KCNQ1OT1: variants seen among roughly 807,000 people sequenced by gnomAD.
KCNQ1OT1 encodes the protein KCNQ1 opposite strand/antisense transcript 1, also known as KCNQ1 antisense RNA 2 (non-protein coding).
chr11:2,679,254 T>C lies in KCNQ1OT1; in HGVS notation n.20741A>G, dbSNP rs756624095. The C allele has an allele frequency of 1.5e-5, 6 of 398,654 alleles. No homozygotes were observed. Among genetic ancestry groups the C allele is most frequent in the Non-Finnish European group, 2.7e-5 (6 of 226,094 alleles). The allele number at this position is 398,654 out of a possible 1,614,324, so 24.7% of individuals were successfully genotyped here. A position where few individuals can be genotyped will look rare whatever the true frequency, so the allele number is the denominator to read the frequency against. On this transcript the variant is annotated non_coding_transcript_exon_variant, in exon 1 of 1. Transcript: ENST00000597346. The surrounding 1 kb of genome is among the most constrained non-coding windows in gnomAD (Gnocchi z 4.8). ...GGACTACAGCTGCCTGTCCCACCCT[T>C]GGCTGTGCTCTCCTTTACTAATCCA...
chr11:2,652,127 G>A lies in KCNQ1OT1; in HGVS notation n.47868C>T, dbSNP rs1849766657. 7.5e-6 allele frequency: 3 copies of A among 398,732 alleles called. No individual in the cohort carries two copies. In the East Asian group the frequency reaches 1.1e-4, roughly 14 times the overall value. The allele number at this position is 398,732 out of a possible 1,614,324, so 24.7% of individuals were successfully genotyped here. A position where few individuals can be genotyped will look rare whatever the true frequency, so the allele number is the denominator to read the frequency against. On this transcript the variant is annotated non_coding_transcript_exon_variant, in exon 1 of 1. Coordinates refer to ENST00000597346, the Ensembl canonical transcript of KCNQ1OT1. The surrounding 1 kb of genome is among the most constrained non-coding windows in gnomAD (Gnocchi z 5.9). Reference sequence around the variant, plus strand: ...GCCTGGCTGGGAGGTGGCCTGGGAAGGGACCTGTGTTTCTCAAGCCCGCGC... The same window carrying A: ...GCCTGGCTGGGAGGTGGCCTGGGAAAGGACCTGTGTTTCTCAAGCCCGCGC...
exon 1 of KCNQ1OT1, chr11:2,630,353 A>T (rs1453844606): frequency 5.0e-6 from 2 of 398,166 alleles, no homozygotes; most frequent in African/African-American, 2.1e-5. Flanking sequence ...GTCATAAAAA[A>T]ATATCAGCCA....
rs1218137686 is a variant in KCNQ1OT1, at chr11:2,642,352, AT to A, written n.57642del. 12 of 397,880 alleles carry A rather than the reference AT, an allele frequency of 3.0e-5. No homozygotes were observed. In the Admixed American group the frequency reaches 4.8e-4, roughly 16 times the overall value. The allele number at this position is 397,880 out of a possible 1,614,324, so 24.6% of individuals were successfully genotyped here. A position where few individuals can be genotyped will look rare whatever the true frequency, so the allele number is the denominator to read the frequency against. ...CCTCTTTGGTTAAACTCATTCCTAG[AT>A]TTTTTGTAGTGGTTGTAAAAGATAA... On this transcript the variant is annotated non_coding_transcript_exon_variant, in exon 1 of 1. Transcript: ENST00000597346. This position sits in a 1 kb window ranked among gnomAD's most constrained non-coding sequence, Gnocchi z 4.3.
chr11:2,640,931 T>C (rs1849566765), exon 1 of KCNQ1OT1: 1 of 399,178 alleles, frequency 2.5e-6, no homozygotes, highest in Non-Finnish European at 4.4e-6. Context: ...AAGATAATTA[T>C]CTTTCTGTGC....
In KCNQ1OT1 at chr11:2,671,305, T is replaced by C. The variant is rs958818519; in HGVS notation, n.28690A>G. On this transcript the variant is annotated non_coding_transcript_exon_variant, in exon 1 of 1. Transcript: ENST00000597346. This position sits in a 1 kb window ranked among gnomAD's most constrained non-coding sequence, Gnocchi z 4.7. ...TCTGATCTTCTCCATAAGTAATCTTTTCCCATGTGTGGCTGCAGCCTCAGA... is the reference window on the plus strand; with the variant it reads ...TCTGATCTTCTCCATAAGTAATCTTCTCCCATGTGTGGCTGCAGCCTCAGA... 7 of 398,486 alleles carry C rather than the reference T, an allele frequency of 1.8e-5. No homozygotes were observed. In the East Asian group the frequency reaches 2.5e-4, roughly 14 times the overall value. 24.7% of individuals were successfully genotyped at this position (398,486 alleles called of 1,614,324 possible). A position where few individuals can be genotyped will look rare whatever the true frequency, so the allele number is the denominator to read the frequency against.
Position 2,627,649 on chromosome 11 carries a change from A to C in KCNQ1OT1, n.72346T>G. 2.5e-6 allele frequency: 1 copy of C among 398,514 alleles called. No homozygotes were observed. 24.7% of individuals were successfully genotyped at this position (398,514 alleles called of 1,614,324 possible). Reference sequence around the variant, plus strand: ...ATGATTTCCTGCTTTTTAAAGGATGAATATTTCATTGTGTGTGTGTATATA... The same window carrying C: ...ATGATTTCCTGCTTTTTAAAGGATGCATATTTCATTGTGTGTGTGTATATA... On this transcript the variant is annotated non_coding_transcript_exon_variant, in exon 1 of 1. Transcript: ENST00000597346. The surrounding 1 kb of genome is among the most constrained non-coding windows in gnomAD (Gnocchi z 4.9).
Position 2,621,961 on chromosome 11 carries a change from G to T in KCNQ1OT1, n.78034C>A, listed in dbSNP as rs1849180716. On this transcript the variant is annotated non_coding_transcript_exon_variant, in exon 1 of 1. Transcript: ENST00000597346. The surrounding 1 kb of genome is among the most constrained non-coding windows in gnomAD (Gnocchi z 5.7). ...TCTAATTCCTTGAGGTACAATTTTG[G>T]GCTATTTGAAATATCTCTTCTTTTT... 2.5e-6 allele frequency: 1 copy of T among 397,770 alleles called. No individual in the cohort carries two copies. Among genetic ancestry groups the T allele is most frequent in the Non-Finnish European group, 4.4e-6 (1 of 225,838 alleles). 24.6% of individuals were successfully genotyped at this position (397,770 alleles called of 1,614,324 possible). A position where few individuals can be genotyped will look rare whatever the true frequency, so the allele number is the denominator to read the frequency against.
chr11:2,680,056 G>C (rs979849941), exon 1 of KCNQ1OT1: 7 of 395,334 alleles, frequency 1.8e-5, no homozygotes, highest in Non-Finnish European at 3.1e-5. Flanking sequence ...ACCATGACTG[G>C]CTAATTTTTT....
Position 2,627,564 on chromosome 11 carries a change from T to C in KCNQ1OT1, n.72431A>G, listed in dbSNP as rs983423139. ...GGATAGTGCAGTATTTGTCTTTCTGTGTCTGGCTATTTCACTTAGCATAAT... is the reference window on the plus strand; with the variant it reads ...GGATAGTGCAGTATTTGTCTTTCTGCGTCTGGCTATTTCACTTAGCATAAT... On this transcript the variant is annotated non_coding_transcript_exon_variant, in exon 1 of 1. Coordinates refer to ENST00000597346, the Ensembl canonical transcript of KCNQ1OT1. The surrounding 1 kb of genome is among the most constrained non-coding windows in gnomAD (Gnocchi z 4.9). 6 of 398,470 alleles carry C rather than the reference T, an allele frequency of 1.5e-5. No individual in the cohort carries two copies. The highest frequency in any genetic ancestry group is 4.4e-5 in the Admixed American group (1 of 22,714). The allele number at this position is 398,470 out of a possible 1,614,324, so 24.7% of individuals were successfully genotyped here.
Position 2,677,190 on chromosome 11 carries a change from G to C in KCNQ1OT1, n.22805C>G, listed in dbSNP as rs1850308676. On this transcript the variant is annotated non_coding_transcript_exon_variant, in exon 1 of 1. Transcript: ENST00000597346. The surrounding 1 kb of genome is among the most constrained non-coding windows in gnomAD (Gnocchi z 4.5). ...TCTTATCCCTACTTGTATCTCTGCT[G>C]ACTGACCTCTTTGGCTGTCTCTTGT... 2.5e-6 allele frequency: 1 copy of C among 398,540 alleles called. No homozygotes were observed. The highest frequency in any genetic ancestry group is 4.4e-6 in the Non-Finnish European group (1 of 226,064). The allele number at this position is 398,540 out of a possible 1,614,324, so 24.7% of individuals were successfully genotyped here.
Position 2,664,753 on chromosome 11 carries a change from G to C in KCNQ1OT1, n.35242C>G, listed in dbSNP as rs866873966. The C allele has an allele frequency of 1.5e-5, 6 of 398,768 alleles. No homozygotes were observed. Among genetic ancestry groups the C allele is most frequent in the Middle Eastern group, 6.3e-4 (1 of 1,592 alleles). The allele number at this position is 398,768 out of a possible 1,614,324, so 24.7% of individuals were successfully genotyped here. On this transcript the variant is annotated non_coding_transcript_exon_variant, in exon 1 of 1. Transcript: ENST00000597346. This position sits in a 1 kb window ranked among gnomAD's most constrained non-coding sequence, Gnocchi z 5.1. ...GTGTGAGGGACAGGGATGTGTGCTG[G>C]GGTCTCACAGGGGGCAGAGTGGGTG...
In KCNQ1OT1 at chr11:2,623,057, C is replaced by G; in HGVS notation, n.76938G>C. On this transcript the variant is annotated non_coding_transcript_exon_variant, in exon 1 of 1. Transcript: ENST00000597346. The surrounding 1 kb of genome is among the most constrained non-coding windows in gnomAD (Gnocchi z 5.2). ...GGGCCTGGTGGGGGGCAAACTTCCC[C>G]CTTGCTGTTCTCATGATAGTGAGTT... 1 of 398,608 alleles carries G rather than the reference C, an allele frequency of 2.5e-6. No individual in the cohort carries two copies. The highest frequency in any genetic ancestry group is 4.4e-6 in the Non-Finnish European group (1 of 226,118). 24.7% of individuals were successfully genotyped at this position (398,608 alleles called of 1,614,324 possible). A position where few individuals can be genotyped will look rare whatever the true frequency, so the allele number is the denominator to read the frequency against.
At position 2,679,088 on chromosome 11, in the gene KCNQ1OT1, T is replaced by C; in HGVS notation, n.20907A>G. 2.5e-6 allele frequency: 1 copy of C among 398,652 alleles called. No homozygotes were observed. Among genetic ancestry groups the C allele is most frequent in the East Asian group, 3.6e-5 (1 of 28,086 alleles). The allele number at this position is 398,652 out of a possible 1,614,324, so 24.7% of individuals were successfully genotyped here. A position where few individuals can be genotyped will look rare whatever the true frequency, so the allele number is the denominator to read the frequency against. ...AACCCACTAACACCATAAAGTGTCATAGCTAGAGCTAGAGTGCTGTTATAA... is the reference window on the plus strand; with the variant it reads ...AACCCACTAACACCATAAAGTGTCACAGCTAGAGCTAGAGTGCTGTTATAA... On this transcript the variant is annotated non_coding_transcript_exon_variant, in exon 1 of 1. Transcript: ENST00000597346. The surrounding 1 kb of genome is among the most constrained non-coding windows in gnomAD (Gnocchi z 4.8).
Position 2,682,692 on chromosome 11 carries a change from A to C in KCNQ1OT1, n.17303T>G, listed in dbSNP as rs1195647916. ...CTATTGTCCATAGAAGCTGGGGTCC[A>C]AAGTTGACCAGAATATCTCTAGTCA... On this transcript the variant is annotated non_coding_transcript_exon_variant, in exon 1 of 1. Coordinates refer to ENST00000597346, the Ensembl canonical transcript of KCNQ1OT1. The surrounding 1 kb of genome is among the most constrained non-coding windows in gnomAD (Gnocchi z 5.8). The C allele has an allele frequency of 5.0e-6, 2 of 398,480 alleles. No homozygotes were observed. Among genetic ancestry groups the C allele is most frequent in the Non-Finnish European group, 8.8e-6 (2 of 226,072 alleles). 24.7% of individuals were successfully genotyped at this position (398,480 alleles called of 1,614,324 possible).
Position 2,668,427 on chromosome 11 carries a change from C to T in KCNQ1OT1, n.31568G>A. 1 of 398,628 alleles carries T rather than the reference C, an allele frequency of 2.5e-6. No individual in the cohort carries two copies. The highest frequency in any genetic ancestry group is 1.3e-4 in the South Asian group (1 of 7,854). The allele number at this position is 398,628 out of a possible 1,614,324, so 24.7% of individuals were successfully genotyped here. A position where few individuals can be genotyped will look rare whatever the true frequency, so the allele number is the denominator to read the frequency against. ...TTCCAATTTTCATTCCCACAGGCAG[C>T]ATTCTGGCTGCTCCACATCCTAACA... On this transcript the variant is annotated non_coding_transcript_exon_variant, in exon 1 of 1. Coordinates refer to ENST00000597346, the Ensembl canonical transcript of KCNQ1OT1. The surrounding 1 kb of genome is among the most constrained non-coding windows in gnomAD (Gnocchi z 4.3).
In KCNQ1OT1 at chr11:2,645,820, T is replaced by G. The variant is rs1849657279; in HGVS notation, n.54175A>C. ...GGGGTTGGGCTATCAAAATGGGACT[T>G]TCCTGAAGTTGCCTGAGGATTCAGG... is the stretch of plus-strand genomic sequence containing the variant. On this transcript the variant is annotated non_coding_transcript_exon_variant, in exon 1 of 1. Transcript: ENST00000597346. The surrounding 1 kb of genome is among the most constrained non-coding windows in gnomAD (Gnocchi z 5.8). 1 of 398,538 alleles carries G rather than the reference T, an allele frequency of 2.5e-6. No homozygotes were observed. Among genetic ancestry groups the G allele is most frequent in the African/African-American group, 2.1e-5 (1 of 48,608 alleles). 24.7% of individuals were successfully genotyped at this position (398,538 alleles called of 1,614,324 possible).
chr11:2,676,926 G>C lies in KCNQ1OT1; in HGVS notation n.23069C>G, dbSNP rs1423737757. On this transcript the variant is annotated non_coding_transcript_exon_variant, in exon 1 of 1. Transcript: ENST00000597346. The surrounding 1 kb of genome is among the most constrained non-coding windows in gnomAD (Gnocchi z 4.2). The stretch of plus-strand genomic sequence containing the variant: ...TGCACCACTTAAAAGGAAGACACTG[G>C]TATGTTCTGGAGATGGATCTGTATT... 1 of 398,478 alleles carries C rather than the reference G, an allele frequency of 2.5e-6. No homozygotes were observed. Among genetic ancestry groups the C allele is most frequent in the East Asian group, 3.6e-5 (1 of 28,094 alleles). 24.7% of individuals were successfully genotyped at this position (398,478 alleles called of 1,614,324 possible). A position where few individuals can be genotyped will look rare whatever the true frequency, so the allele number is the denominator to read the frequency against.
At chr11:2,643,998 C>T in exon 1 of KCNQ1OT1, 1 of 398,536 alleles carries the variant, frequency 2.5e-6, no homozygotes, top group Non-Finnish European at 4.4e-6. Context: ...TTGTAAGTGT[C>T]TACAACCTCT....
In KCNQ1OT1 at chr11:2,640,344, T is replaced by G. The variant is rs1029307173; in HGVS notation, n.59651A>C. The G allele has an allele frequency of 4.3e-5, 17 of 398,476 alleles. No individual in the cohort carries two copies. The highest frequency in any genetic ancestry group is 4.4e-5 in the Admixed American group (1 of 22,708). 24.7% of individuals were successfully genotyped at this position (398,476 alleles called of 1,614,324 possible). A position where few individuals can be genotyped will look rare whatever the true frequency, so the allele number is the denominator to read the frequency against. ...TGGAGCTCCTCCTATTCGGCCATCT[T>G]GGAACCACCCCACTTACTGCAATCT... is the stretch of plus-strand genomic sequence containing the variant. On this transcript the variant is annotated non_coding_transcript_exon_variant, in exon 1 of 1. Coordinates refer to ENST00000597346, the Ensembl canonical transcript of KCNQ1OT1.
Sources: allele counts gnomAD v4.1 joint callset, GRCh38; gene constraint gnomAD v4.1.1; non-coding constraint Gnocchi (gnomAD v3.1); transcripts MANE v1.5; gene names NCBI Gene and HGNC (gene_info 2026-07-23, HGNC 2026-07-21).